NELL1: variants seen among roughly 807,000 people sequenced by gnomAD.
The protein encoded by NELL1 is neural EGFL like 1.
In NELL1, 76 loss-of-function variants were observed where a neutral mutation model predicts 107.4. The observed-to-expected ratio is 0.71, with a 90% CI of 0.59 to 0.86. The LOEUF is 0.86. Ranked by LOEUF, NELL1 falls within the 40% of genes least tolerant of loss-of-function variation. The pLI is 0.00. For synonymous variants in NELL1, 353 were observed against 341.2 expected (o/e 1.03, Z -0.38); for missense variants, 1,024 against 1,005.5 (o/e 1.02, Z -0.25).
chr11:21,012,213 T>C (rs1057413039), intron 12 of NELL1, among the ~76,000 whole-genome samples: 2 of 152,164 alleles, frequency 1.3e-5, no homozygotes, highest in East Asian at 1.9e-4. Flanking sequence ...CTCTGTTTTT[T>C]ACAGCATCCT....
At chr11:21,344,697 C>T (rs1850648500) in intron 14 of NELL1, among the ~76,000 whole-genome samples, 1 of 152,048 alleles carries the variant, frequency 6.6e-6, no homozygotes, top group African/African-American at 2.4e-5. Flanking sequence ...CCTGTTAACT[C>T]TGTGTTTTGG....
At chr11:20,851,953 C>A (rs931026439) in intron 4 of NELL1, among the ~76,000 whole-genome samples, 2 of 152,190 alleles carry the variant, frequency 1.3e-5, no homozygotes, top group African/African-American at 4.8e-5. Flanking sequence ...GAACTGGAAA[C>A]AGTGAACTCC....
chr11:21,510,190 C>T (rs541662676), intron 15 of NELL1, among the ~76,000 whole-genome samples: 3 of 152,176 alleles, frequency 2.0e-5, no homozygotes, highest in Admixed American at 6.5e-5. Context: ...ATCTTGTTTC[C>T]AAGTATAGAT....
intron 12 of NELL1, among the ~76,000 whole-genome samples, chr11:21,053,351 A>T (rs1565035103): frequency 6.6e-6 from 1 of 152,056 alleles, no homozygotes. Context: ...ACTCCCACTT[A>T]TAAGTGAGAA....
chr11:21,383,721 A>C (rs1851667413), intron 15 of NELL1: 1 of 149,868 alleles, frequency 6.7e-6, no homozygotes, highest in Non-Finnish European at 1.5e-5. Flanking sequence ...GTATGATATT[A>C]ATAAAAAGAA....
intron 13 of NELL1, among the ~76,000 whole-genome samples, chr11:21,224,573 T>C (rs958100766): frequency 6.6e-6 from 1 of 152,172 alleles, no homozygotes; most frequent in Non-Finnish European, 1.5e-5. Flanking sequence ...TCTTTTCTTC[T>C]TAGAACTTCC....
At chr11:21,552,582 T>G (rs1856617797) in intron 16 of NELL1, among the ~76,000 whole-genome samples, 1 of 151,866 alleles carries the variant, frequency 6.6e-6, no homozygotes, top group Non-Finnish European at 1.5e-5. Flanking sequence ...ACTCTGTGCT[T>G]CCTTTTCCCT....
At chr11:21,525,836 G>A (rs1477657196) in intron 15 of NELL1, among the ~76,000 whole-genome samples, 1 of 152,114 alleles carries the variant, frequency 6.6e-6, no homozygotes, top group East Asian at 1.9e-4. Flanking sequence ...TGGTAAAACT[G>A]ACTCCATGAT....
At chr11:20,900,401 A>T (rs1260663605) in intron 5 of NELL1, among the ~76,000 whole-genome samples, 3 of 152,184 alleles carry the variant, frequency 2.0e-5, no homozygotes, top group Non-Finnish European at 4.4e-5. Context: ...TTTTGATGGG[A>T]TATGCTACAA....
At chr11:21,203,227 A>T (rs1791849) in intron 13 of NELL1, among the ~76,000 whole-genome samples, 5 of 152,008 alleles carry the variant, frequency 3.3e-5, no homozygotes, top group Middle Eastern at 3.4e-3. Flanking sequence ...GAGGTGTTAA[A>T]GTCTCCCACT....
intron 2 of NELL1, among the ~76,000 whole-genome samples, chr11:20,693,869 C>T (rs1261880571): frequency 6.6e-6 from 1 of 152,136 alleles, no homozygotes; most frequent in East Asian, 1.9e-4. Context: ...TGGATAGTAT[C>T]CTGCAGAGTG....
chr11:21,413,301 T>C (rs1852425911), intron 15 of NELL1, among the ~76,000 whole-genome samples: 2 of 151,744 alleles, frequency 1.3e-5, no homozygotes, highest in South Asian at 4.2e-4. Context: ...CCTCCTCTTA[T>C]GGTAGTTTTG....
intron 4 of NELL1, among the ~76,000 whole-genome samples, chr11:20,863,979 G>A (rs1022646767): frequency 2.0e-5 from 3 of 152,064 alleles, no homozygotes; most frequent in Non-Finnish European, 4.4e-5. Flanking sequence ...GTGGCGGCGC[G>A]CGCCTGCAAT....
chr11:20,747,328 A>G (rs1856027061), intron 2 of NELL1, among the ~76,000 whole-genome samples: 1 of 152,220 alleles, frequency 6.6e-6, no homozygotes. Flanking sequence ...TTTCTTCAGC[A>G]AGAGGAACAT....
chr11:21,116,259 C>G (rs942041514), intron 13 of NELL1, among the ~76,000 whole-genome samples: 1 of 151,942 alleles, frequency 6.6e-6, no homozygotes, highest in Non-Finnish European at 1.5e-5. Flanking sequence ...CCCTCTTTGT[C>G]ACTTGTCACT....
At chr11:20,690,942 G>C (rs987405052) in intron 2 of NELL1, among the ~76,000 whole-genome samples, 5 of 151,912 alleles carry the variant, frequency 3.3e-5, no homozygotes, top group African/African-American at 1.2e-4. Flanking sequence ...ATTTGTTTGT[G>C]TCCTCTTTTG....
At chr11:20,767,265 C>T (rs1856552035) in intron 2 of NELL1, among the ~76,000 whole-genome samples, 1 of 152,138 alleles carries the variant, frequency 6.6e-6, no homozygotes, top group African/African-American at 2.4e-5. Context: ...AAGAACAAAG[C>T]TTCCACAGCA....
intron 13 of NELL1, among the ~76,000 whole-genome samples, chr11:21,143,384 T>C (rs1040104169): frequency 1.3e-5 from 2 of 150,814 alleles, no homozygotes; most frequent in African/African-American, 2.4e-5. Context: ...TAAATAGGAG[T>C]TTGTAGGTGA....
chr11:20,691,770 C>A (rs1395253274), intron 2 of NELL1, among the ~76,000 whole-genome samples: 2 of 151,928 alleles, frequency 1.3e-5, no homozygotes, highest in Non-Finnish European at 2.9e-5. Context: ...CTCTGACCGG[C>A]TTTGGTATCA....
Sources: gnomAD v4.1 joint callset for allele counts (sites outside exome capture counted in the v4.1 genomes callset) on GRCh38, gnomAD v4.1.1 for gene constraint, MANE v1.5 for transcripts, NCBI Gene and HGNC (gene_info 2026-07-23, HGNC 2026-07-21) for gene names.